SCUBE2: variants seen among roughly 807,000 people sequenced by gnomAD.
The protein encoded by SCUBE2 is signal peptide, CUB domain and EGF like domain containing 2.
In SCUBE2, 114 loss-of-function variants were observed where a neutral mutation model predicts 125.9. That is an observed-to-expected ratio of 0.91 (90% confidence interval 0.78 to 1.06). The LOEUF is 1.06. SCUBE2 is among the 50% of genes least tolerant of loss of function. The pLI is 0.00. For synonymous variants in SCUBE2, 459 were observed against 492.9 expected (o/e 0.93, Z 0.91); for missense variants, 1,255 against 1,301.8 (o/e 0.96, Z 0.55).
At chr11:9,046,321 G>A (rs547023875) in intron 16 of SCUBE2, among the ~76,000 whole-genome samples, 4 of 152,042 alleles carry the variant, frequency 2.6e-5, no homozygotes, top group African/African-American at 7.2e-5. Context: ...AGTGTCTTTC[G>A]TAGGCTGTTG....
At chr11:9,065,480 G>A (rs747824647) in intron 7 of SCUBE2, among the ~76,000 whole-genome samples, 63 of 152,170 alleles carry the variant, frequency 4.1e-4, no homozygotes, top group Non-Finnish European at 8.5e-4. Flanking sequence ...GGAACTGTGA[G>A]TCAATTAAGC....
intron 7 of SCUBE2, 31 bp from the exon 8 acceptor site, chr11:9,060,555 T>C: frequency 6.3e-7 from 1 of 1,581,820 alleles, no homozygotes; most frequent in Non-Finnish European, 8.7e-7. Context: ...GACAATTAGC[T>C]TCCCAAAGAA....
chr11:9,021,984 T>G (rs1258494218), intron 21 of SCUBE2, 29 bp from the exon 22 acceptor site: 1 of 1,547,912 alleles, frequency 6.5e-7, no homozygotes, highest in Admixed American at 1.7e-5. Flanking sequence ...TGTTTTGCAT[T>G]CTTATGATTT....
chr11:9,073,289 C>T (rs1408360298), intron 4 of SCUBE2, among the ~76,000 whole-genome samples: 1 of 152,154 alleles, frequency 6.6e-6, no homozygotes, highest in African/African-American at 2.4e-5. Context: ...AGGGCCACAC[C>T]TGGCACAAGA....
chr11:9,021,821 A>G, intron 22 of SCUBE2, 55 bp downstream of exon 22: 1 of 1,328,110 alleles, frequency 7.5e-7, no homozygotes, highest in Non-Finnish European at 1.1e-6. Flanking sequence ...CTTCTCCAAC[A>G]GTACTCGGGA....
Position 9,025,739 on chromosome 11 carries a change from G to T in SCUBE2, c.2817C>A (p.Ser939Arg). 1 of 1,614,144 alleles carries T rather than the reference G, an allele frequency of 6.2e-7. No individual in the cohort carries two copies. The highest frequency in any genetic ancestry group is 2.2e-5 in the East Asian group (1 of 44,886). ...CGTATGGGACCTGGAACCCTCTAGC[G>T]CTGTTCCCTTCATTGGACTTGAACT... ...WIQFKSNEGN[S>R]ARGFQVPYVT... The change falls in exon 21 of 23, where the codon AGC becomes AGA. Residue 939 changes from serine to arginine, a missense_variant. Ser to Arg is a moderately radical substitution (Grantham distance 110). Coordinates refer to ENST00000649792, the MANE Select transcript of SCUBE2 (RefSeq NM_001367977.2).
In SCUBE2 at chr11:9,027,475, A is replaced by G; in HGVS notation, c.2590T>C (p.Cys864Arg). ...YPGNYPANTE[C>R]TWTINPPPKR... ...GGGGGTGGGTTGATGGTCCACGTAC[A>G]CTCGGTGTTGGCTGGGTAATTGCCT... is the stretch of plus-strand genomic sequence containing the variant. Residue 864 changes from cysteine (C) to arginine (R), a missense_variant, in exon 20 of 23, where the codon TGT (cysteine) becomes CGT (arginine). Cys to Arg is a radical substitution (Grantham distance 180, BLOSUM62 -3). Transcript: ENST00000649792. The G allele has an allele frequency of 6.2e-7, 1 of 1,613,874 alleles. No homozygotes were observed. Among genetic ancestry groups the G allele is most frequent in the Non-Finnish European group, 8.5e-7 (1 of 1,179,980 alleles).
chr11:9,090,696 C>A (rs1318003395), intron 1 of SCUBE2, among the ~76,000 whole-genome samples: 1 of 152,030 alleles, frequency 6.6e-6, no homozygotes, highest in African/African-American at 2.4e-5. Flanking sequence ...CCATGGCCGG[C>A]CCCCTGCACT....
Position 9,021,768 on chromosome 11 carries a change from G to C in SCUBE2, c.2934+108C>G, listed in dbSNP as rs1855312986. The C allele has an allele frequency of 8.6e-6, 7 of 813,392 alleles. No individual in the cohort carries two copies. In the South Asian group the frequency reaches 9.2e-5, roughly 11 times the overall value. 50.4% of individuals were successfully genotyped at this position (813,392 alleles called of 1,614,324 possible). On this transcript the variant is annotated intron_variant, in intron 22 of 22. Coordinates refer to ENST00000649792, the MANE Select transcript of SCUBE2 (RefSeq NM_001367977.2). ...TAAAACTGACCTTGGCCCAGGACAGGCTCCGTGTCTGAAAGGTGGCAACAA... is the reference window on the plus strand; with the variant it reads ...TAAAACTGACCTTGGCCCAGGACAGCCTCCGTGTCTGAAAGGTGGCAACAA...
intron 16 of SCUBE2, among the ~76,000 whole-genome samples, chr11:9,046,231 A>G (rs557228347): frequency 7.3e-5 from 11 of 151,630 alleles, no homozygotes; most frequent in Middle Eastern, 3.4e-3. Flanking sequence ...GATGGTCTCG[A>G]TCTCCTGACC....
chr11:9,046,001 CTTTTTTT>C (rs58572754), intron 16 of SCUBE2, among the ~76,000 whole-genome samples: 12 of 92,070 alleles, frequency 1.3e-4, no homozygotes, highest in Admixed American at 4.9e-4. Context: ...GTCTTTCTTT[CTTTTTTT>C]TTTTTTTTTT....
At chr11:9,024,319 T>C (rs1279793938) in intron 21 of SCUBE2, 1 of 1,221,978 alleles carries the variant, frequency 8.2e-7, no homozygotes, top group Non-Finnish European at 1.0e-6. Context: ...GCTCTCTGTC[T>C]CTCTCAGCAG....
chr11:9,030,480 A>C, intron 18 of SCUBE2: 1 of 456,542 alleles, frequency 2.2e-6, no homozygotes, highest in Non-Finnish European at 3.9e-6. Context: ...GAGGAGGGCT[A>C]GAGGAAGGAA....
chr11:9,055,731 C>G, intron 10 of SCUBE2, 62 bp downstream of exon 10: 1 of 1,319,880 alleles, frequency 7.6e-7, no homozygotes, highest in Non-Finnish European at 1.1e-6. Flanking sequence ...CAGGGGTAGG[C>G]CCTGCTCCCC....
chr11:9,047,502 C>CGGAT lies in SCUBE2; in HGVS notation c.1852_1855dup (p.Arg619HisfsTer26), dbSNP rs1566193393. 6.2e-7 allele frequency: 1 copy of CGGAT among 1,613,606 alleles called. No individual in the cohort carries two copies. The highest frequency in any genetic ancestry group is 2.2e-5 in the East Asian group (1 of 44,848). ...CCTGTGGACGGCCTTTCTGAGCGTG[C>CGGAT]GGATGGCTTTACGGAGCCGCTTCTC... is the stretch of plus-strand genomic sequence containing the variant. On this transcript the variant is annotated frameshift_variant, in exon 16 of 23. Transcript: ENST00000649792. LOFTEE classifies it high-confidence loss of function.
chr11:9,048,294 A>G (rs1032649927), intron 14 of SCUBE2, among the ~76,000 whole-genome samples, 196 bp from the exon 15 acceptor site: 2 of 152,244 alleles, frequency 1.3e-5, no homozygotes, highest in Non-Finnish European at 2.9e-5. Context: ...ATTGCCTCCT[A>G]TATAACTTTA....
chr11:9,050,807 A>G (rs1014431109), intron 13 of SCUBE2, 97 bp from the exon 14 acceptor site: 19 of 877,538 alleles, frequency 2.2e-5, no homozygotes, highest in Non-Finnish European at 3.7e-5. Flanking sequence ...GGCTTCCACC[A>G]CACACAGCAC....
chr11:9,060,595 A>G, intron 7 of SCUBE2, 71 bp from the exon 8 acceptor site: 3 of 1,286,034 alleles, frequency 2.3e-6, no homozygotes, highest in South Asian at 1.2e-5. Context: ...AGGTCACAGA[A>G]GCCAAGAAGC....
chr11:9,047,088 C>A (rs1688010777), intron 16 of SCUBE2, among the ~76,000 whole-genome samples: 1 of 152,224 alleles, frequency 6.6e-6, no homozygotes, highest in South Asian at 2.1e-4. Flanking sequence ...CTCAAGTCAA[C>A]CAACATTTTA....
Sources: gnomAD v4.1 joint callset for allele counts (sites outside exome capture counted in the v4.1 genomes callset) on GRCh38, gnomAD v4.1.1 for gene constraint, MANE v1.5 for transcripts, NCBI Gene and HGNC (gene_info 2026-07-23, HGNC 2026-07-21) for gene names.